Variants in PTPRG observed in about 807,000 individuals in gnomAD.
PTPRG encodes protein tyrosine phosphatase receptor type G, also known as receptor-type tyrosine-protein phosphatase gamma.
Under a neutral mutation model 165.3 loss-of-function variants are expected in PTPRG, and 102 were observed. That is an observed-to-expected ratio of 0.62 (90% CI 0.53 to 0.73). The LOEUF (loss-of-function observed/expected upper bound fraction) is 0.73. Among genes scored for constraint, PTPRG ranks in the 30% least tolerant of loss-of-function variants. PTPRG has a pLI of 0.00. For missense variants in PTPRG, 1,866 were observed against 1,861.4 expected (o/e 1.00, Z -0.05); for synonymous variants, 675 against 669.5 (o/e 1.01, Z -0.13).
At chr3:61,777,559 C>G (rs1458534329) in intron 2 of PTPRG, among the ~76,000 whole-genome samples, 1 of 152,182 alleles carries the variant, frequency 6.6e-6, no homozygotes, top group Non-Finnish European at 1.5e-5. Flanking sequence ...TCCTATCATT[C>G]ATTAACACAG....
chr3:62,088,218 G>C (rs1258530759), intron 5 of PTPRG, among the ~76,000 whole-genome samples: 1 of 152,124 alleles, frequency 6.6e-6, no homozygotes, highest in South Asian at 2.1e-4. Context: ...GAACGCTGCT[G>C]AACATCCTGC....
chr3:62,000,250 C>T (rs1234409800), intron 3 of PTPRG, among the ~76,000 whole-genome samples: 6 of 147,584 alleles, frequency 4.1e-5, no homozygotes, highest in African/African-American at 1.5e-4. Context: ...CATTGCGCTC[C>T]AGCCTGGGCA....
At chr3:61,733,076 G>T (rs977201663) in intron 1 of PTPRG, among the ~76,000 whole-genome samples, 1 of 152,178 alleles carries the variant, frequency 6.6e-6, no homozygotes, top group African/African-American at 2.4e-5. Flanking sequence ...AAAACATACT[G>T]TGTTTCTTGT....
chr3:61,738,453 T>TA (rs2032847755), intron 1 of PTPRG, among the ~76,000 whole-genome samples: 1 of 151,038 alleles, frequency 6.6e-6, no homozygotes, highest in South Asian at 2.1e-4. Context: ...AATACCAAAG[T>TA]TAGGTGACAT....
intron 1 of PTPRG, among the ~76,000 whole-genome samples, chr3:61,738,201 G>A (rs2032797199): frequency 6.8e-6 from 1 of 147,014 alleles, no homozygotes; most frequent in Non-Finnish European, 1.5e-5. Context: ...CCCGGCCTAT[G>A]CTGAGGTTTT....
chr3:62,073,159 T>C (rs1464931740), intron 4 of PTPRG, among the ~76,000 whole-genome samples: 1 of 152,096 alleles, frequency 6.6e-6, no homozygotes, highest in Non-Finnish European at 1.5e-5. Context: ...AATGAATGAA[T>C]GAATAAGTGA....
At chr3:61,691,104 G>C (rs190215154) in intron 1 of PTPRG, among the ~76,000 whole-genome samples, 1 of 152,282 alleles carries the variant, frequency 6.6e-6, no homozygotes, top group East Asian at 1.9e-4. Context: ...TTTAAGATGT[G>C]GTTGGGTGAC....
chr3:61,588,137 T>A (rs555223409), intron 1 of PTPRG, among the ~76,000 whole-genome samples: 2 of 152,222 alleles, frequency 1.3e-5, no homozygotes, highest in East Asian at 1.9e-4. Context: ...CACTTTGGAT[T>A]TGTGTGATGC....
intron 1 of PTPRG, among the ~76,000 whole-genome samples, chr3:61,654,718 C>A (rs1398425641): frequency 6.6e-6 from 1 of 150,656 alleles, no homozygotes. Context: ...TTCTTGTATG[C>A]AGCCCAGGGC....
chr3:61,707,407 A>G (rs2031318180), intron 1 of PTPRG, among the ~76,000 whole-genome samples: 1 of 152,194 alleles, frequency 6.6e-6, no homozygotes, highest in South Asian at 2.1e-4. Context: ...AGGAGAGCCA[A>G]TGGTGTAGAT....
chr3:62,078,879 C>T (rs2106755266), intron 5 of PTPRG, among the ~76,000 whole-genome samples: 1 of 152,300 alleles, frequency 6.6e-6, no homozygotes, highest in African/African-American at 2.4e-5. Context: ...TTTAATAAGT[C>T]AAATCAAAGT....
At chr3:62,140,393 T>C (rs1161280357) in intron 6 of PTPRG, among the ~76,000 whole-genome samples, 5 of 152,248 alleles carry the variant, frequency 3.3e-5, no homozygotes, top group Non-Finnish European at 5.9e-5. Flanking sequence ...ATAGAAGTTA[T>C]AGACTGTTCA....
chr3:62,002,104 C>T (rs980217296), intron 3 of PTPRG, among the ~76,000 whole-genome samples: 2 of 152,146 alleles, frequency 1.3e-5, no homozygotes, highest in Non-Finnish European at 2.9e-5. Flanking sequence ...GAAAAACTGC[C>T]TTTTGAATGC....
intron 4 of PTPRG, among the ~76,000 whole-genome samples, chr3:62,048,575 T>C (rs1700369445): frequency 6.6e-6 from 1 of 152,232 alleles, no homozygotes; most frequent in Middle Eastern, 3.2e-3. Context: ...GGCAACCTTT[T>C]TTATATAAAC....
intron 5 of PTPRG, among the ~76,000 whole-genome samples, chr3:62,100,820 G>A (rs1702266218): frequency 6.6e-6 from 1 of 152,178 alleles, no homozygotes; most frequent in Non-Finnish European, 1.5e-5. Context: ...TTTATAGGCT[G>A]TTTCATATCC....
intron 12 of PTPRG, 130 bp downstream of exon 12, chr3:62,204,080 T>C: frequency 1.4e-6 from 2 of 1,401,224 alleles, no homozygotes; most frequent in Non-Finnish European, 1.9e-6. Context: ...ATGTCTGTCA[T>C]AGAAAAGGTG....
chr3:61,629,678 T>C (rs556390473), intron 1 of PTPRG, among the ~76,000 whole-genome samples: 1 of 152,290 alleles, frequency 6.6e-6, no homozygotes, highest in Admixed American at 6.5e-5. Flanking sequence ...GGCACTCTCT[T>C]CCTAAACCTT....
At position 62,195,127 on chromosome 3, in the gene PTPRG, G is replaced by A; in HGVS notation, c.1284G>A (p.Arg428=). 1 of 1,614,190 alleles carries A rather than the reference G, an allele frequency of 6.2e-7. No individual in the cohort carries two copies. The highest frequency in any genetic ancestry group is 8.5e-7 in the Non-Finnish European group (1 of 1,180,038). ...TGTTCCGAGTCCAGGCCGTGTGTCGGAACGACATGCGCAGCGACTTTAGCC... is the reference window on the plus strand; with the variant it reads ...TGTTCCGAGTCCAGGCCGTGTGTCGAAACGACATGCGCAGCGACTTTAGCC... ...LYLFRVQAVC[R]NDMRSDFSQT... The change falls in exon 10 of 30, where the codon CGG becomes CGA. Residue 428 remains arginine, a synonymous_variant. Transcript: ENST00000474889. This position sits in a 1 kb window ranked among gnomAD's most constrained non-coding sequence, Gnocchi z 4.4.
intron 1 of PTPRG, among the ~76,000 whole-genome samples, chr3:61,642,878 T>C (rs1026444825): frequency 6.6e-6 from 1 of 152,136 alleles, no homozygotes; most frequent in East Asian, 1.9e-4. Context: ...CGACACTTGG[T>C]AATATCCTCC....
Sources: allele counts gnomAD v4.1 joint callset (sites outside exome capture counted in the v4.1 genomes callset), GRCh38; gene constraint gnomAD v4.1.1; non-coding constraint Gnocchi (gnomAD v3.1); transcripts MANE v1.5; gene names NCBI Gene and HGNC (gene_info 2026-07-23, HGNC 2026-07-21).